Variants in HTATSF1 observed in about 807,000 individuals in gnomAD.
The protein encoded by HTATSF1 is HIV-1 Tat specific factor 1, also known as 17S U2 SnRNP complex component HTATSF1.
A neutral mutation model predicts 46.1 loss-of-function variants in HTATSF1; 6 were observed. That is an observed-to-expected ratio of 0.13 (90% CI 0.07 to 0.26). HTATSF1 has a LOEUF of 0.26. Among genes scored for constraint, HTATSF1 ranks in the 10% least tolerant of loss-of-function variants. The pLI, the probability that HTATSF1 is intolerant of heterozygous loss-of-function variation, is 1.00. For synonymous variants in HTATSF1, 226 were observed against 211.5 expected (o/e 1.07, Z -0.60); for missense variants, 452 against 559.9 (o/e 0.81, Z 1.94).
chrX:136,504,536 T>C, intron 6 of HTATSF1, 73 bp downstream of exon 6: 1 of 769,263 alleles, frequency 1.3e-6, no homozygotes, highest in East Asian at 3.3e-5. Context: ...GGAGCTTGCC[T>C]CGCCTCATCT....
chrX:136,511,456 G>A lies in HTATSF1; in HGVS notation c.1711G>A (p.Glu571Lys). Residue 571 changes from glutamate to lysine, a missense_variant, in exon 9 of 9, where the codon GAG (glutamate) becomes AAG (lysine). Glu to Lys is a moderately conservative substitution (Grantham distance 56, BLOSUM62 1). Transcript: ENST00000218364. ...AAGAGAATTTGAAGAAAATGGTCTCGAGAAAGATTTGGACGAGGAAGGTTC... is the reference window on the plus strand; with the variant it reads ...AAGAGAATTTGAAGAAAATGGTCTCAAGAAAGATTTGGACGAGGAAGGTTC... Reference protein sequence around the residue: ...SEREFEENGLEKDLDEEGSEK... With the variant: ...SEREFEENGLKKDLDEEGSEK... 3 of 1,210,454 alleles carry A rather than the reference G, an allele frequency of 2.5e-6. No homozygotes were observed. The highest frequency in any genetic ancestry group is 3.5e-5 in the South Asian group (2 of 56,622).
At chrX:136,499,418 C>G (rs1366280365) in intron 1 of HTATSF1, among the ~76,000 whole-genome samples, 180 bp from the exon 2 acceptor site, 1 of 112,327 alleles carries the variant, frequency 8.9e-6, no homozygotes, top group African/African-American at 3.2e-5. Flanking sequence ...TCACCGTATG[C>G]ACAATTTTCT....
rs375714705 is a variant in HTATSF1 at position 136,499,654 on chromosome X, C to T, written c.243C>T (p.Gly81=). The change falls in exon 2 of 9, where the codon GGC becomes GGT. Residue 81 remains glycine (G), a synonymous_variant. Transcript: ENST00000218364. ...YQANYGFSND[G]ASSSTANVED... is the part of the protein sequence containing the mutation. ...CCAATTATGGCTTCTCTAACGATGG[C>T]GCATCTAGTTCTACCGCAAATGTTG... The T allele has an allele frequency of 4.6e-5, 55 of 1,195,417 alleles. No homozygotes were observed. The highest frequency in any genetic ancestry group is 5.5e-5 in the Non-Finnish European group (49 of 889,188).
chrX:136,511,400 G>C lies in HTATSF1; in HGVS notation c.1655G>C (p.Cys552Ser), dbSNP rs1465117306. 2.5e-6 allele frequency: 3 copies of C among 1,209,385 alleles called. No homozygotes were observed. Among genetic ancestry groups the C allele is most frequent in the Non-Finnish European group, 3.4e-6 (3 of 895,006 alleles). ...DDSEKESDEDCSEKQSEDGSE... is the reference protein window; with the variant it reads ...DDSEKESDEDSSEKQSEDGSE... ...TCAGAGAAAGAGTCTGATGAAGACTGCTCTGAAAAACAGTCTGAAGATGGC... is the reference window on the plus strand; with the variant it reads ...TCAGAGAAAGAGTCTGATGAAGACTCCTCTGAAAAACAGTCTGAAGATGGC... Residue 552 changes from cysteine (C) to serine (S), a missense_variant, in exon 9 of 9, where the codon TGC (cysteine) becomes TCC (serine). By Grantham distance (112) the Cys-to-Ser change is moderately radical (BLOSUM62 -1). Around this residue, in one of 3 missense-constraint regions of HTATSF1, gnomAD observed 246 missense variants for 245.3 expected, o/e 1.00. Transcript: ENST00000218364.
At position 136,500,168 on chromosome X, in the gene HTATSF1, T is replaced by C; in HGVS notation, c.378T>C (p.His126=). 1 of 1,111,223 alleles carries C rather than the reference T, an allele frequency of 9.0e-7. No individual in the cohort carries two copies. Among genetic ancestry groups the C allele is most frequent in the Non-Finnish European group, 1.2e-6 (1 of 807,782 alleles). 91.6% of individuals were successfully genotyped at this position (1,111,223 alleles called of 1,213,427 possible). A position where few individuals can be genotyped will look rare whatever the true frequency, so the allele number is the denominator to read the frequency against. Residue 126 remains histidine (H), a synonymous_variant, in exon 3 of 9, where the codon CAT becomes CAC. Transcript: ENST00000218364. The part of the protein sequence containing the change: ...EKRKAESGWF[H]VEEDRNTNVY... Reference sequence around the variant, plus strand: ...AATTTTGATTTCTAGGATGGTTTCATGTTGAAGAAGACAGAAATACAAATG... The same window carrying C: ...AATTTTGATTTCTAGGATGGTTTCACGTTGAAGAAGACAGAAATACAAATG...
intron 8 of HTATSF1, 52 bp downstream of exon 8, chrX:136,510,271 T>A (rs775194011): frequency 9.0e-7 from 1 of 1,111,043 alleles, no homozygotes; most frequent in Admixed American, 2.4e-5. Flanking sequence ...TACCAACAAA[T>A]ACTGATCCTT....
rs757898486 is a variant in HTATSF1, at chrX:136,511,632, AGAG to A, written c.1893_1895del (p.Glu631del). On this transcript the variant is annotated inframe_deletion, in exon 9 of 9. Transcript: ENST00000218364. ...ACGAAGATTCAGATGAAAAGGAAGA[AGAG>A]GAGGATACATATGAAAAAGTATTTG... 4.5e-5 allele frequency: 54 copies of A among 1,209,088 alleles called. No homozygotes were observed. The highest frequency in any genetic ancestry group is 2.3e-4 in the Middle Eastern group (1 of 4,370).
rs750689157 is a variant in HTATSF1, at chrX:136,500,216, C to G, written c.415+11C>G. 4.8e-6 allele frequency: 5 copies of G among 1,045,618 alleles called. No homozygotes were observed. Among genetic ancestry groups the G allele is most frequent in the Admixed American group, 4.7e-5 (2 of 42,297 alleles). The allele number at this position is 1,045,618 out of a possible 1,213,427, so 86.2% of individuals were successfully genotyped here. ...ATGTATACGTGTCTGGTATGTATAA[C>G]TTTTTAAACAGGTTTAAGGTAGGAA... On this transcript the variant is annotated intron_variant, in intron 3 of 8. Transcript: ENST00000218364.
rs917997561 is a variant in HTATSF1 at position 136,508,050 on chromosome X, T to C, written c.835-1041T>C. On this transcript the variant is annotated intron_variant, in intron 6 of 8. Coordinates refer to ENST00000218364, the MANE Select transcript of HTATSF1 (RefSeq NM_014500.5). ...TGTAGTTTTAGAAGCCTCAGATTTA[T>C]GCAAATGAGTATGATTTTATATTTT... 2.7e-5 allele frequency among the ~76,000 whole-genome samples: 3 copies of C among 112,595 alleles called. No homozygotes were observed. The East Asian group carries it at 8.3e-4, about 31-fold the overall frequency.
At chrX:136,499,475 T>C (rs1259551783) in intron 1 of HTATSF1, 123 bp from the exon 2 acceptor site, 15 of 489,242 alleles carry the variant, frequency 3.1e-5, no homozygotes, top group African/African-American at 2.9e-4. Context: ...ACTACAACTA[T>C]TATCCACAGA....
chrX:136,503,140 A>G (rs1231989805), intron 5 of HTATSF1, among the ~76,000 whole-genome samples, 199 bp downstream of exon 5: 1 of 111,994 alleles, frequency 8.9e-6, no homozygotes, highest in African/African-American at 3.2e-5. Flanking sequence ...CAGAGTGTCT[A>G]TTTGTAATAT....
At chrX:136,502,983 A>G in intron 5 of HTATSF1, 42 bp downstream of exon 5, 1 of 948,034 alleles carries the variant, frequency 1.1e-6, no homozygotes, top group Non-Finnish European at 1.4e-6. Flanking sequence ...CATATATTCT[A>G]GAGTATATTT....
chrX:136,511,057 G>A lies in HTATSF1; in HGVS notation c.1312G>A (p.Gly438Arg), dbSNP rs2075765041. The A allele has an allele frequency of 1.7e-6, 2 of 1,211,622 alleles. No homozygotes were observed. The highest frequency in any genetic ancestry group is 2.2e-6 in the Non-Finnish European group (2 of 895,465). The change falls in exon 9 of 9, where the codon GGA (glycine) becomes AGA (arginine). Residue 438 changes from glycine to arginine, a missense_variant. Gly to Arg is a moderately radical substitution (Grantham distance 125). This residue lies in a region of HTATSF1 where 246 missense variants were observed against 245.3 expected (regional missense o/e 1.00). Coordinates refer to ENST00000218364, the MANE Select transcript of HTATSF1 (RefSeq NM_014500.5). ...GAAGTTTGAAAAGACAGAAGATGGG[G>A]GAGAATTTGAAGAAGGTGCTTCTGA... is the stretch of plus-strand genomic sequence containing the variant. ...EKKFEKTEDG[G>R]EFEEGASENN...
chrX:136,500,590 C>T, intron 3 of HTATSF1, 74 bp from the exon 4 acceptor site: 5 of 681,045 alleles, frequency 7.3e-6, no homozygotes. Flanking sequence ...TTATAGATTT[C>T]TAATTGGTAG....
chrX:136,500,101 A>G, intron 2 of HTATSF1, 57 bp from the exon 3 acceptor site: 2 of 773,614 alleles, frequency 2.6e-6, no homozygotes, highest in Non-Finnish European at 4.0e-6. Context: ...ATTCCATAAT[A>G]TGACTCTTAT....
rs1187410293 is a variant in HTATSF1 at position 136,511,476 on chromosome X, A to G, written c.1731A>G (p.Glu577=). Residue 577 remains glutamate, a synonymous_variant, in exon 9 of 9, where the codon GAA becomes GAG. Coordinates refer to ENST00000218364, the MANE Select transcript of HTATSF1 (RefSeq NM_014500.5). The stretch of plus-strand genomic sequence containing the variant: ...GTCTCGAGAAAGATTTGGACGAGGA[A>G]GGTTCTGAAAAGGAGCTTCATGAAA... ...ENGLEKDLDE[E]GSEKELHENV... 2 of 1,208,837 alleles carry G rather than the reference A, an allele frequency of 1.7e-6. No homozygotes were observed. The highest frequency in any genetic ancestry group is 5.9e-5 in the East Asian group (2 of 33,836).
intron 7 of HTATSF1, among the ~76,000 whole-genome samples, chrX:136,509,461 C>A (rs1465496592): frequency 2.7e-5 from 3 of 111,435 alleles, no homozygotes; most frequent in East Asian, 5.6e-4. Flanking sequence ...TCTCTGGTTC[C>A]CTATTAGTCA....
intron 1 of HTATSF1, among the ~76,000 whole-genome samples, chrX:136,499,301 A>C (rs974435811): frequency 1.8e-5 from 2 of 112,264 alleles, no homozygotes; most frequent in Admixed American, 1.9e-4. Context: ...AGAGGTAGTA[A>C]TTAATAAATG....
chrX:136,505,995 A>G (rs2075740544), intron 6 of HTATSF1, among the ~76,000 whole-genome samples: 1 of 111,959 alleles, frequency 8.9e-6, no homozygotes. Flanking sequence ...TGATTCACAC[A>G]TTTCATACTC....
Sources: allele counts gnomAD v4.1 joint callset (sites outside exome capture counted in the v4.1 genomes callset), GRCh38; gene constraint gnomAD v4.1.1; regional missense constraint gnomAD v4.1.1; transcripts MANE v1.5; gene names NCBI Gene and HGNC (gene_info 2026-07-23, HGNC 2026-07-21).